Variants in BCL7A observed in about 807,000 individuals in gnomAD.
The protein encoded by BCL7A is B-cell CLL/lymphoma 7 protein family member A.
BCL7A carries 11 observed loss-of-function variants against 28.4 expected under a neutral mutation model. That is an observed-to-expected ratio of 0.39 (90% CI 0.24 to 0.64). The LOEUF (loss-of-function observed/expected upper bound fraction) is 0.64, where lower values mean the gene tolerates loss of function less well. Ranked by LOEUF, BCL7A falls within the 30% of genes least tolerant of loss-of-function variation. The pLI is 0.50. For synonymous variants in BCL7A, 123 were observed against 103.3 expected, an observed-to-expected ratio of 1.19 and a Z score of -1.15; for missense variants, 222 against 274.8, an observed-to-expected ratio of 0.81 and a Z score of 1.36.
intron 2 of BCL7A, among the ~76,000 whole-genome samples, chr12:122,032,876 T>C (rs1318314848): frequency 6.6e-6 from 1 of 152,100 alleles, no homozygotes; most frequent in Non-Finnish European, 1.5e-5. Context: ...AGGGCGATGG[T>C]TCTCGGCCTG....
chr12:122,023,057 G>C (rs571594839), intron 1 of BCL7A, among the ~76,000 whole-genome samples: 1 of 152,284 alleles, frequency 6.6e-6, no homozygotes, highest in East Asian at 1.9e-4. Context: ...TGGCGGCCGC[G>C]CGTGGTTTTC....
intron 5 of BCL7A, among the ~76,000 whole-genome samples, chr12:122,058,881 C>T (rs576477019): frequency 5.3e-5 from 8 of 152,130 alleles, no homozygotes; most frequent in Non-Finnish European, 8.8e-5. Flanking sequence ...CACCGCGCTC[C>T]ATAGCTCCAG....
intron 3 of BCL7A, among the ~76,000 whole-genome samples, chr12:122,042,479 A>G (rs937190374): frequency 2.6e-5 from 4 of 151,820 alleles, no homozygotes; most frequent in Non-Finnish European, 4.4e-5. Flanking sequence ...ACATGGAGAA[A>G]CCCGTCTCTA....
chr12:122,049,001 A>G (rs1486457679), intron 4 of BCL7A, among the ~76,000 whole-genome samples: 2 of 143,932 alleles, frequency 1.4e-5, no homozygotes, highest in Non-Finnish European at 3.0e-5. Flanking sequence ...AGCCTGGGCA[A>G]TGAGAGTGAA....
rs1884278249 is a variant in BCL7A, at chr12:122,054,895, G to A, written c.530G>A (p.Gly177Asp). The stretch of plus-strand genomic sequence containing the variant: ...GATCGGCAGCCGTCTGGAGACTCGG[G>A]TCTGGCCGCAGAGACGTCTGCAATC... ...KVDRQPSGDSGLAAETSAISQ... is the reference protein window; with the variant it reads ...KVDRQPSGDSDLAAETSAISQ... Residue 177 changes from glycine to aspartate, a missense_variant, in exon 5 of 6, where the codon GGT becomes GAT. This residue lies in a region of BCL7A where 155 missense variants were observed against 145.7 expected (regional missense o/e 1.06). Coordinates refer to ENST00000261822, the MANE Select transcript of BCL7A (RefSeq NM_001024808.3). The A allele has an allele frequency of 1.2e-6, 2 of 1,614,228 alleles. No homozygotes were observed. The highest frequency in any genetic ancestry group is 8.5e-7 in the Non-Finnish European group (1 of 1,180,036).
chr12:122,028,060 C>T (rs925049807), intron 1 of BCL7A, among the ~76,000 whole-genome samples: 6 of 152,116 alleles, frequency 3.9e-5, no homozygotes, highest in Non-Finnish European at 8.8e-5. Flanking sequence ...CACTTGGTGC[C>T]TTAAACTTGA....
chr12:122,027,196 G>A (rs755691280), intron 1 of BCL7A, among the ~76,000 whole-genome samples: 78 of 152,348 alleles, frequency 5.1e-4, no homozygotes, highest in African/African-American at 1.6e-3. Context: ...GCAAGCTGTC[G>A]CTCCCTGGGG....
intron 2 of BCL7A, among the ~76,000 whole-genome samples, chr12:122,034,897 G>A (rs990948333): frequency 6.6e-6 from 1 of 152,196 alleles, no homozygotes; most frequent in African/African-American, 2.4e-5. Context: ...GAGAAAGGCT[G>A]CCCCAGGGGG....
intron 2 of BCL7A, among the ~76,000 whole-genome samples, chr12:122,032,136 G>A (rs534216267): frequency 1.3e-5 from 2 of 152,288 alleles, no homozygotes; most frequent in East Asian, 1.9e-4. Flanking sequence ...TAAGTTTCTC[G>A]CCCCCATCTT....
intron 2 of BCL7A, among the ~76,000 whole-genome samples, chr12:122,033,575 G>A (rs899808754): frequency 1.3e-5 from 2 of 152,236 alleles, no homozygotes; most frequent in African/African-American, 2.4e-5. Flanking sequence ...GCCTCCCAAA[G>A]TGCTGGGATT....
chr12:122,030,769 C>T lies in BCL7A; in HGVS notation c.162C>T (p.Pro54=). The part of the protein sequence containing the change: ...RIYKWVPVTE[P]KVDDKNKNKK... ...ACAAATGGGTCCCTGTGACGGAGCC[C>T]AAGGTTGATGACGTGAGTATGGAGG... The change falls in exon 2 of 6, where the codon CCC becomes CCT. Residue 54 remains proline, a synonymous_variant. Transcript: ENST00000261822. 6.2e-7 allele frequency: 1 copy of T among 1,614,002 alleles called. No individual in the cohort carries two copies. The highest frequency in any genetic ancestry group is 8.5e-7 in the Non-Finnish European group (1 of 1,179,894).
intron 3 of BCL7A, among the ~76,000 whole-genome samples, chr12:122,039,203 A>T (rs1333711403): frequency 6.6e-6 from 1 of 151,700 alleles, no homozygotes; most frequent in Non-Finnish European, 1.5e-5. Flanking sequence ...AGGCTGAGGC[A>T]AGAGAATGGC....
At chr12:122,038,500 C>T (rs1365143140) in intron 3 of BCL7A, among the ~76,000 whole-genome samples, 3 of 146,430 alleles carry the variant, frequency 2.0e-5, no homozygotes, top group Admixed American at 6.9e-5. Context: ...GTCAAGAAAG[C>T]CCCCCCAACC....
chr12:122,055,968 C>G (rs1266266779), intron 5 of BCL7A, among the ~76,000 whole-genome samples: 1 of 152,150 alleles, frequency 6.6e-6, no homozygotes, highest in Admixed American at 6.5e-5. Flanking sequence ...CAGAACCTCA[C>G]CCCATGGAAC....
intron 4 of BCL7A, among the ~76,000 whole-genome samples, chr12:122,051,777 A>G (rs992632248): frequency 1.3e-5 from 2 of 152,082 alleles, no homozygotes; most frequent in African/African-American, 4.8e-5. Context: ...CAGATGGGCA[A>G]CTTTTCTAGT....
At chr12:122,024,479 G>A (rs1333352389) in intron 1 of BCL7A, among the ~76,000 whole-genome samples, 1 of 125,024 alleles carries the variant, frequency 8.0e-6, no homozygotes, top group South Asian at 2.5e-4. Context: ...TTTTTTTTTG[G>A]CCCCTTCTAA....
At position 122,029,710 on chromosome 12, in the gene BCL7A, C is replaced by T. The variant is rs1418748243; in HGVS notation, c.93-990C>T. Among the ~76,000 whole-genome samples, 4 of 152,172 alleles carry T rather than the reference C, an allele frequency of 2.6e-5. No individual in the cohort carries two copies. The highest frequency in any genetic ancestry group is 7.2e-5 in the African/African-American group (3 of 41,436). ...TGGCAGAGTCTTGATTTAGGAGCCT[C>T]GGTTCCAACCCCAGCCCTGCTTCTG... On this transcript the variant is annotated intron_variant, in intron 1 of 5. Transcript: ENST00000261822. The surrounding 1 kb of genome is among the most constrained non-coding windows in gnomAD (Gnocchi z 4.3).
intron 3 of BCL7A, among the ~76,000 whole-genome samples, chr12:122,043,243 T>G (rs1466375638): frequency 2.0e-5 from 3 of 152,138 alleles, no homozygotes; most frequent in Non-Finnish European, 4.4e-5. Flanking sequence ...ACACCCAGAA[T>G]GAGGCCTCAA....
At position 122,051,970 on chromosome 12, in the gene BCL7A, G is replaced by C. The variant is rs568411511; in HGVS notation, c.440-2835G>C. ...GCTCACTGCAACCTCCGCCTCCTGG[G>C]GTCAAGCGATTCTCCTGCCTCAGCC... On this transcript the variant is annotated intron_variant, in intron 4 of 5. Transcript: ENST00000261822. Among the ~76,000 whole-genome samples the C allele has an allele frequency of 2.1e-3, 316 of 149,920 alleles. 2 individuals carry two copies. The highest frequency in any genetic ancestry group is 7.3e-3 in the African/African-American group (297 of 40,650).
Sources: allele counts gnomAD v4.1 joint callset (sites outside exome capture counted in the v4.1 genomes callset), GRCh38; gene constraint gnomAD v4.1.1; regional missense constraint gnomAD v4.1.1; non-coding constraint Gnocchi (gnomAD v3.1); transcripts MANE v1.5; gene names NCBI Gene and HGNC (gene_info 2026-07-23, HGNC 2026-07-21).